The following PROX1 variants were observed in gnomAD, a reference collection of about 807,000 sequenced individuals.
The protein encoded by PROX1 is prospero homeobox protein 1.
Under a neutral mutation model 58.8 loss-of-function variants are expected in PROX1, and 7 were observed. The ratio of observed to expected loss-of-function variants is 0.12; its 90% CI spans 0.07 to 0.22. The LOEUF (loss-of-function observed/expected upper bound fraction) is 0.22. Among genes scored for constraint, PROX1 ranks in the 10% least tolerant of loss-of-function variants. The pLI is 1.00. For missense variants in PROX1, 675 were observed against 927.8 expected, an observed-to-expected ratio of 0.73 and a Z score of 3.54; for synonymous variants, 350 against 358.3, an observed-to-expected ratio of 0.98 and a Z score of 0.26.
At position 213,997,397 on chromosome 1, in the gene PROX1, G is replaced by T; in HGVS notation, c.862G>T (p.Ala288Ser). 1 of 1,614,054 alleles carries T rather than the reference G, an allele frequency of 6.2e-7. No individual in the cohort carries two copies. The highest frequency in any genetic ancestry group is 8.5e-7 in the Non-Finnish European group (1 of 1,180,012). Residue 288 changes from alanine to serine, a missense_variant, in exon 2 of 5, where the codon GCC becomes TCC. Physicochemically the swap from Ala to Ser is moderately conservative, Grantham distance 99. This residue lies in a region of PROX1 where 403 missense variants were observed against 477.4 expected (regional missense o/e 0.84). Coordinates refer to ENST00000366958, the MANE Select transcript of PROX1 (RefSeq NM_001270616.2). The surrounding 1 kb of genome is among the most constrained non-coding windows in gnomAD (Gnocchi z 7.1). ...SMRSEILDARAQDSVGRSDNE... is the reference protein window; with the variant it reads ...SMRSEILDARSQDSVGRSDNE... ...GCGCTCGGAGATCCTGGATGCCAGG[G>T]CCCAGGACTCTGTCGGAAGGTCAGA... is the stretch of plus-strand genomic sequence containing the variant.
At position 213,996,487 on chromosome 1, in the gene PROX1, C is replaced by T; in HGVS notation, c.-49C>T. 1 of 1,553,668 alleles carries T rather than the reference C, an allele frequency of 6.4e-7. No homozygotes were observed. The highest frequency in any genetic ancestry group is 8.7e-7 in the Non-Finnish European group (1 of 1,148,504). On this transcript the variant is annotated 5_prime_UTR_variant, in exon 2 of 5. Coordinates refer to ENST00000366958, the MANE Select transcript of PROX1 (RefSeq NM_001270616.2). ...TGGCCAGGGTCCCGGGATTCTTGAG[C>T]TGTGCCCAGCTGACGAGCTTTTGAA... is the stretch of plus-strand genomic sequence containing the variant.
chr1:214,025,355 C>T (rs1664416054), intron 4 of PROX1, among the ~76,000 whole-genome samples: 1 of 152,212 alleles, frequency 6.6e-6, no homozygotes, highest in South Asian at 2.1e-4. Flanking sequence ...CATTAGGCCT[C>T]TAGAAAAGCT....
chr1:214,029,857 G>A (rs1664586974), intron 4 of PROX1: 1 of 152,396 alleles, frequency 6.6e-6, no homozygotes, highest in Non-Finnish European at 1.5e-5. Flanking sequence ...AATCGGAGTT[G>A]TAAAAGCCAT....
chr1:214,034,932 C>T lies in PROX1; in HGVS notation c.2029-717C>T, dbSNP rs533557934. On this transcript the variant is annotated intron_variant, in intron 4 of 4. Transcript: ENST00000366958. ...CATAGCCTGGCAAGTAGTAAATACT[C>T]GAAAAAAGTTAGTTTGTATTATTAT... Among the ~76,000 whole-genome samples the T allele has an allele frequency of 8.7e-4, 130 of 149,152 alleles. 1 individual carries two copies. The highest frequency in any genetic ancestry group is 3.4e-3 in the Middle Eastern group (1 of 294).
In PROX1 at chr1:214,039,564, A is replaced by G. The variant is rs767208737; in HGVS notation, c.*3730A>G. The G allele has an allele frequency of 6.6e-6, 1 of 152,252 alleles. No homozygotes were observed. The highest frequency in any genetic ancestry group is 1.5e-5 in the Non-Finnish European group (1 of 68,046). 9.4% of individuals were successfully genotyped at this position (152,252 alleles called of 1,614,324 possible). ...TATGTAAGACATGAGATTTTAATAA[A>G]TAACTACATTCTCACGACATCTGTT... is the stretch of plus-strand genomic sequence containing the variant. On this transcript the variant is annotated 3_prime_UTR_variant, in exon 5 of 5. Transcript: ENST00000366958.
At chr1:214,021,400 T>C (rs1450915599) in intron 4 of PROX1, among the ~76,000 whole-genome samples, 3 of 152,228 alleles carry the variant, frequency 2.0e-5, no homozygotes, top group Non-Finnish European at 4.4e-5. Context: ...GTTGTGTCCA[T>C]ATTCTCCATT....
At chr1:214,024,275 C>T (rs1664379156) in intron 4 of PROX1, among the ~76,000 whole-genome samples, 1 of 152,168 alleles carries the variant, frequency 6.6e-6, no homozygotes, top group African/African-American at 2.4e-5. Context: ...TACAGCCCAT[C>T]CTTAGTTTTG....
chr1:214,018,770 C>T (rs1413534647), intron 4 of PROX1, among the ~76,000 whole-genome samples: 2 of 152,140 alleles, frequency 1.3e-5, no homozygotes, highest in Non-Finnish European at 2.9e-5. Context: ...GAGGAAGAGA[C>T]CGACAGGATG....
chr1:214,001,207 T>G (rs1360581049), intron 2 of PROX1, among the ~76,000 whole-genome samples: 1 of 152,180 alleles, frequency 6.6e-6, no homozygotes, highest in Non-Finnish European at 1.5e-5. Context: ...AACATATATG[T>G]TCTGTAGGAT....
chr1:214,007,795 T>C (rs1663768146), intron 3 of PROX1, among the ~76,000 whole-genome samples: 1 of 152,222 alleles, frequency 6.6e-6, no homozygotes, highest in South Asian at 2.1e-4. Context: ...TATTTCTTTA[T>C]ATATGAATAT....
intron 4 of PROX1, among the ~76,000 whole-genome samples, chr1:214,012,913 C>T (rs971492724): frequency 3.9e-5 from 6 of 152,158 alleles, no homozygotes; most frequent in Admixed American, 3.9e-4. Flanking sequence ...CCCTAGTACT[C>T]TTCCTGCTTG....
At chr1:214,031,100 C>T (rs562198643) in intron 4 of PROX1, among the ~76,000 whole-genome samples, 11 of 152,106 alleles carry the variant, frequency 7.2e-5, no homozygotes, top group African/African-American at 1.9e-4. Flanking sequence ...CACACACACG[C>T]GCAACCCAGC....
Position 213,996,650 on chromosome 1 carries a change from G to C in PROX1, c.115G>C (p.Ala39Pro). ...TASAFFAKAR[A>P]TFFSAMNPQG... The stretch of plus-strand genomic sequence containing the variant: ...ATCTGCATTTTTTGCTAAGGCAAGA[G>C]CAACGTTTTTTAGTGCCATGAATCC... Residue 39 changes from alanine to proline, a missense_variant, in exon 2 of 5, where the codon GCA (alanine) becomes CCA (proline). Ala to Pro is a conservative substitution (Grantham distance 27, BLOSUM62 -1). Transcript: ENST00000366958. The C allele has an allele frequency of 6.2e-7, 1 of 1,614,186 alleles. No homozygotes were observed. The highest frequency in any genetic ancestry group is 1.3e-5 in the African/African-American group (1 of 75,048).
intron 1 of PROX1, among the ~76,000 whole-genome samples, chr1:213,991,324 C>T (rs1202353923): frequency 6.6e-6 from 1 of 152,262 alleles, no homozygotes; most frequent in South Asian, 2.1e-4. Context: ...ATGGTTTTTG[C>T]TCATTGGCTT....
rs1000387494 is a variant in PROX1, at chr1:214,011,602, G to A, written c.1915G>A (p.Ala639Thr). 1.9e-6 allele frequency: 3 copies of A among 1,613,958 alleles called. No homozygotes were observed. The highest frequency in any genetic ancestry group is 2.5e-6 in the Non-Finnish European group (3 of 1,179,884). ...TTACTACATTCAGATGGAGAAGTAC[G>A]CACGTCAAGCCATCAACGATGGGGT... ...EFYYIQMEKYARQAINDGVTS... is the reference protein window; with the variant it reads ...EFYYIQMEKYTRQAINDGVTS... Residue 639 changes from alanine (A) to threonine (T), a missense_variant, in exon 4 of 5, where the codon GCA becomes ACA. By Grantham distance (58) the Ala-to-Thr change is moderately conservative (BLOSUM62 0). Transcript: ENST00000366958.
upstream of PROX1, chr1:213,986,058 C>T (rs1462530325): frequency 1.3e-5 from 2 of 152,224 alleles, no homozygotes; most frequent in Non-Finnish European, 2.9e-5. Flanking sequence ...CCGCTCAATA[C>T]ACCCGCTTAC....
At chr1:214,003,659 C>G (rs761848448) in intron 2 of PROX1, among the ~76,000 whole-genome samples, 37 of 152,130 alleles carry the variant, frequency 2.4e-4, no homozygotes, top group Non-Finnish European at 4.4e-4. Flanking sequence ...AATAAAAAAC[C>G]TGCACTACTT....
In PROX1 at chr1:213,996,710, G is replaced by A. The variant is rs1041065663; in HGVS notation, c.175G>A (p.Val59Met). ...GSEQDVEYSV[V>M]QHADGEKSNV... ...TGAGCAGGATGTTGAGTATTCAGTGGTGCAGCATGCAGATGGGGAAAAGTC... is the reference window on the plus strand; with the variant it reads ...TGAGCAGGATGTTGAGTATTCAGTGATGCAGCATGCAGATGGGGAAAAGTC... Residue 59 changes from valine (V) to methionine (M), a missense_variant, in exon 2 of 5, where the codon GTG becomes ATG. Val to Met is a conservative substitution (Grantham distance 21). Transcript: ENST00000366958. 1 of 1,614,196 alleles carries A rather than the reference G, an allele frequency of 6.2e-7. No homozygotes were observed. The highest frequency in any genetic ancestry group is 1.3e-5 in the African/African-American group (1 of 75,040).
At chr1:214,027,005 G>A (rs1664480112) in intron 4 of PROX1, among the ~76,000 whole-genome samples, 1 of 152,138 alleles carries the variant, frequency 6.6e-6, no homozygotes, top group African/African-American at 2.4e-5. Flanking sequence ...TATAAGGGCT[G>A]GTGTGGCATT....
Sources: allele counts gnomAD v4.1 joint callset (sites outside exome capture counted in the v4.1 genomes callset), GRCh38; gene constraint gnomAD v4.1.1; regional missense constraint gnomAD v4.1.1; non-coding constraint Gnocchi (gnomAD v3.1); transcripts MANE v1.5; gene names NCBI Gene and HGNC (gene_info 2026-07-23, HGNC 2026-07-21).